CSMD1: variants seen among roughly 807,000 people sequenced by gnomAD.
CSMD1 encodes the protein CUB and sushi domain-containing protein 1.
In CSMD1, 213 loss-of-function variants were observed where a neutral mutation model predicts 417.5. The ratio of observed to expected loss-of-function variants is 0.51; its 90% confidence interval spans 0.46 to 0.57. The LOEUF (loss-of-function observed/expected upper bound fraction) is 0.57, where lower values mean the gene tolerates loss of function less well. Among genes scored for constraint, CSMD1 ranks in the 20% least tolerant of loss-of-function variants. The pLI, the probability that CSMD1 is intolerant of heterozygous loss-of-function variation, is 0.00. For synonymous variants in CSMD1, 2,862 were observed against 1,736.8 expected (o/e 1.65, Z -16.11); for missense variants, 6,923 against 4,529.7 (o/e 1.53, Z -15.17).
At chr8:4,185,298 T>C (rs1438457244) in intron 3 of CSMD1, among the ~76,000 whole-genome samples, 2 of 152,134 alleles carry the variant, frequency 1.3e-5, no homozygotes, top group Non-Finnish European at 2.9e-5. Context: ...TTTAATCTTT[T>C]TGTTTTAGGG....
intron 1 of CSMD1, among the ~76,000 whole-genome samples, chr8:4,823,564 G>A (rs993000662): frequency 1.3e-5 from 2 of 152,184 alleles, no homozygotes; most frequent in East Asian, 1.9e-4. Context: ...CGTAGTATAT[G>A]AGCCCAGTAC....
intron 3 of CSMD1, among the ~76,000 whole-genome samples, chr8:4,163,928 C>T (rs572024781): frequency 7.2e-5 from 11 of 152,108 alleles, no homozygotes; most frequent in South Asian, 2.1e-4. Context: ...GACTTTCCAT[C>T]TGTTATATAA....
chr8:4,098,306 C>T (rs1288364467), intron 3 of CSMD1, among the ~76,000 whole-genome samples: 1 of 152,100 alleles, frequency 6.6e-6, no homozygotes, highest in Non-Finnish European at 1.5e-5. Flanking sequence ...GGAACAAGAA[C>T]TTCATAAAGT....
At chr8:4,834,887 G>A (rs186844687) in intron 1 of CSMD1, among the ~76,000 whole-genome samples, 14 of 143,578 alleles carry the variant, frequency 9.8e-5, no homozygotes, top group Admixed American at 2.2e-4. Context: ...AACCCGGGAG[G>A]CGGAGCTTGC....
intron 1 of CSMD1, among the ~76,000 whole-genome samples, chr8:4,896,706 T>C (rs1354879882): frequency 6.6e-6 from 1 of 152,102 alleles, no homozygotes; most frequent in Non-Finnish European, 1.5e-5. Context: ...GATCCAAGAC[T>C]TCAAGCTTGT....
chr8:4,065,244 C>A (rs1260687624), intron 3 of CSMD1, among the ~76,000 whole-genome samples: 1 of 152,136 alleles, frequency 6.6e-6, no homozygotes, highest in African/African-American at 2.4e-5. Context: ...AATTACAGTG[C>A]AGTTAACATT....
chr8:3,540,532 G>A (rs1234241857), intron 10 of CSMD1, among the ~76,000 whole-genome samples: 1 of 152,158 alleles, frequency 6.6e-6, no homozygotes. Flanking sequence ...ACTGACAAAT[G>A]GGATCTAATT....
chr8:4,611,853 G>C (rs1191347043), intron 2 of CSMD1, among the ~76,000 whole-genome samples: 7 of 152,158 alleles, frequency 4.6e-5, no homozygotes, highest in African/African-American at 1.2e-4. Flanking sequence ...ACCAGGGTTT[G>C]AAGTGCCTGC....
chr8:3,828,392 C>T (rs1266927099), intron 5 of CSMD1, among the ~76,000 whole-genome samples: 1 of 152,080 alleles, frequency 6.6e-6, no homozygotes, highest in Admixed American at 6.6e-5. Context: ...GAGGAAACTG[C>T]GTTACCATAT....
At chr8:4,445,303 G>A (rs1239713747) in intron 2 of CSMD1, among the ~76,000 whole-genome samples, 1 of 152,052 alleles carries the variant, frequency 6.6e-6, no homozygotes, top group East Asian at 1.9e-4. Context: ...AGTTATATCT[G>A]CCTCATTAAA....
At position 3,658,613 on chromosome 8, in the gene CSMD1, T is replaced by C. The variant is rs137961928; in HGVS notation, c.1010-41816A>G. Among the ~76,000 whole-genome samples, 1,135 of 151,788 alleles carry C rather than the reference T, an allele frequency of 7.5e-3. 16 individuals carry two copies. Among genetic ancestry groups the C allele is most frequent in the African/African-American group, 0.026 (1,078 of 41,394 alleles). On this transcript the variant is annotated intron_variant, in intron 7 of 69. Coordinates refer to ENST00000635120, the MANE Select transcript of CSMD1 (RefSeq NM_033225.6). ...GCTTGGCCAACATGACAAAACCCCATCTCTACTAAAAATACAAAAATCAGT... is the reference window on the plus strand; with the variant it reads ...GCTTGGCCAACATGACAAAACCCCACCTCTACTAAAAATACAAAAATCAGT...
chr8:3,631,391 G>C (rs943144896), intron 7 of CSMD1, among the ~76,000 whole-genome samples: 1 of 152,190 alleles, frequency 6.6e-6, no homozygotes, highest in East Asian at 1.9e-4. Context: ...TCAGTGACTG[G>C]AGTAGCAAAG....
chr8:4,095,404 A>C (rs998407916), intron 3 of CSMD1, among the ~76,000 whole-genome samples: 5 of 152,006 alleles, frequency 3.3e-5, no homozygotes, highest in Non-Finnish European at 7.4e-5. Flanking sequence ...TAAAAAAGAA[A>C]AAAAAATGAC....
At chr8:4,144,809 C>T (rs1804011784) in intron 3 of CSMD1, among the ~76,000 whole-genome samples, 1 of 150,912 alleles carries the variant, frequency 6.6e-6, no homozygotes, top group Non-Finnish European at 1.5e-5. Flanking sequence ...GTTGCATCAC[C>T]AAAAAGCAAC....
intron 9 of CSMD1, among the ~76,000 whole-genome samples, chr8:3,578,298 G>A (rs999739315): frequency 3.7e-5 from 5 of 135,930 alleles, no homozygotes; most frequent in African/African-American, 9.8e-5. Context: ...GTACTGAGTA[G>A]ATCCAATGAG....
rs141421635 is a variant in CSMD1, at chr8:4,198,531, G to C, written c.416-166432C>G. On this transcript the variant is annotated intron_variant, in intron 3 of 69. Transcript: ENST00000635120. ...TAGGATGGATTTGGGGGATGAGAAA[G>C]AAAGTGTCTAGAAATATGACACTTT... Among the ~76,000 whole-genome samples, 712 of 152,258 alleles carry C rather than the reference G, an allele frequency of 4.7e-3. 6 individuals carry two copies. The highest frequency in any genetic ancestry group is 0.016 in the African/African-American group (675 of 41,530).
intron 53 of CSMD1, among the ~76,000 whole-genome samples, chr8:2,998,885 A>G (rs917118260): frequency 5.3e-5 from 8 of 152,166 alleles, no homozygotes; most frequent in Non-Finnish European, 8.8e-5. Flanking sequence ...TTTTTTTCCT[A>G]TAAGTAAAGC....
chr8:3,667,455 G>A (rs542031196), intron 7 of CSMD1, among the ~76,000 whole-genome samples: 3 of 152,142 alleles, frequency 2.0e-5, no homozygotes, highest in African/African-American at 7.2e-5. Context: ...GCAAGGCCTT[G>A]GGGCACTACA....
intron 10 of CSMD1, among the ~76,000 whole-genome samples, chr8:3,571,853 C>T (rs1246096627): frequency 1.3e-5 from 2 of 152,128 alleles, no homozygotes; most frequent in Admixed American, 6.5e-5. Context: ...CCAAACTCTG[C>T]GTCTCACGTC....
Sources: gnomAD v4.1 joint callset for allele counts (sites outside exome capture counted in the v4.1 genomes callset) on GRCh38, gnomAD v4.1.1 for gene constraint, MANE v1.5 for transcripts, NCBI Gene and HGNC (gene_info 2026-07-23, HGNC 2026-07-21) for gene names.